The following CUL2 variants were observed in gnomAD, a reference collection of about 807,000 sequenced individuals.
CUL2 encodes cullin 2.
A neutral mutation model predicts 110.2 loss-of-function variants in CUL2; 22 were observed. The observed-to-expected ratio is 0.20, with a 90% CI of 0.14 to 0.28. The LOEUF is 0.28. Among genes scored for constraint, CUL2 ranks in the 10% least tolerant of loss-of-function variants. The probability of loss-of-function intolerance (pLI) is 1.00; values close to 1 mark genes in which losing one functional copy is unlikely to be tolerated. For missense variants in CUL2, 631 were observed against 905.5 expected (o/e 0.70, Z 3.89); for synonymous variants, 279 against 293.2 (o/e 0.95, Z 0.49).
intron 1 of CUL2, among the ~76,000 whole-genome samples, chr10:35,108,131 T>A (rs183334853): frequency 9.6e-4 from 146 of 152,078 alleles, no homozygotes; most frequent in African/African-American, 3.4e-3. Flanking sequence ...GCTGATCAGT[T>A]AAGAGGCTAT....
chr10:35,038,816 T>A, intron 9 of CUL2, 104 bp downstream of exon 9: 1 of 653,730 alleles, frequency 1.5e-6, no homozygotes, highest in East Asian at 2.9e-5. Flanking sequence ...TTTAAAATAT[T>A]TTAAAGACTA....
chr10:35,088,609 CAACTGCCAGACAACGCAA>C (rs894384366), intron 1 of CUL2, among the ~76,000 whole-genome samples: 4 of 151,266 alleles, frequency 2.6e-5, no homozygotes, highest in African/African-American at 9.7e-5. Context: ...AAATATCTGT[CAACTGCCAGACAACGCAA>C]AAATGACTTT....
chr10:35,077,748 C>A (rs182221923), intron 1 of CUL2, among the ~76,000 whole-genome samples: 2 of 148,064 alleles, frequency 1.4e-5, no homozygotes, highest in African/African-American at 5.0e-5. Context: ...ACCCAGGAGG[C>A]GGGGGTTGCG....
chr10:35,021,538 T>C (rs1478444834), intron 17 of CUL2, among the ~76,000 whole-genome samples: 1 of 152,032 alleles, frequency 6.6e-6, no homozygotes, highest in Admixed American at 6.5e-5. Context: ...TTAATGTCAA[T>C]TTTAATGTAT....
intron 8 of CUL2, among the ~76,000 whole-genome samples, chr10:35,042,990 C>G (rs141769428): frequency 6.6e-6 from 1 of 152,098 alleles, no homozygotes; most frequent in African/African-American, 2.4e-5. Flanking sequence ...GGACACCTAG[C>G]TGGTGTCTGC....
rs779663693 is a variant in CUL2 at position 35,010,407 on chromosome 10, A to C, written c.2142T>G (p.Ser714Arg). 1 of 1,612,656 alleles carries C rather than the reference A, an allele frequency of 6.2e-7. No individual in the cohort carries two copies. The highest frequency in any genetic ancestry group is 1.7e-5 in the Admixed American group (1 of 59,770). Residue 714 changes from serine (S) to arginine (R), a missense_variant, in exon 21 of 21, where the codon AGT becomes AGG. Physicochemically the swap from Ser to Arg is moderately radical, Grantham distance 110 (BLOSUM62 -1). Around this residue, in one of 3 missense-constraint regions of CUL2, gnomAD observed 159 missense variants for 202.7 expected, o/e 0.78. Transcript: ENST00000374749. ...ISQSRARFNPSISMIKKCIEV... is the reference protein window; with the variant it reads ...ISQSRARFNPRISMIKKCIEV... ...CAATACACTTCTTAATCATGCTGAT[A>C]CTGGGATTAAACCTAGCTCTTGACT...
At chr10:35,035,077 T>G (rs943092117) in intron 10 of CUL2, 95 bp downstream of exon 10, 32 of 1,449,504 alleles carry the variant, frequency 2.2e-5, no homozygotes, top group East Asian at 4.6e-5. Flanking sequence ...ATGGTAAGAC[T>G]TTTTCTTTCA....
chr10:35,053,351 T>C lies in CUL2; in HGVS notation c.423+1083A>G, dbSNP rs117867267. On this transcript the variant is annotated intron_variant, in intron 5 of 20. Coordinates refer to ENST00000374749, the MANE Select transcript of CUL2 (RefSeq NM_003591.4). ...TGTATTTGTATTCAACATATACCTA[T>C]AATTTTGTGTCCAAATTTTTTCATA... is the stretch of plus-strand genomic sequence containing the variant. 4.9e-4 allele frequency among the ~76,000 whole-genome samples: 74 copies of C among 152,352 alleles called. No homozygotes were observed. The East Asian group carries it at 0.013, about 26-fold the overall frequency.
chr10:35,047,744 C>T (rs894726845), intron 6 of CUL2, among the ~76,000 whole-genome samples: 2 of 151,080 alleles, frequency 1.3e-5, no homozygotes, highest in East Asian at 1.9e-4. Flanking sequence ...TGGTGAAAAC[C>T]GGTCTCTACT....
At chr10:35,080,273 G>A (rs2086913167) in intron 1 of CUL2, among the ~76,000 whole-genome samples, 1 of 151,912 alleles carries the variant, frequency 6.6e-6, no homozygotes. Flanking sequence ...TCATCTTGCT[G>A]TATCAAATGA....
chr10:35,025,026 G>A lies in CUL2; in HGVS notation c.1684+106C>T, dbSNP rs111911338. 2.4e-5 allele frequency: 32 copies of A among 1,333,038 alleles called. No homozygotes were observed. In the African/African-American group the frequency reaches 2.7e-4, roughly 11 times the overall value. 82.6% of individuals were successfully genotyped at this position (1,333,038 alleles called of 1,614,324 possible). A position where few individuals can be genotyped will look rare whatever the true frequency, so the allele number is the denominator to read the frequency against. ...GCTTTAATGGGGAAAGGTTGATGGA[G>A]GAGAAAAGGTTAAAAACTGTAATTG... On this transcript the variant is annotated intron_variant, in intron 17 of 20. Coordinates refer to ENST00000374749, the MANE Select transcript of CUL2 (RefSeq NM_003591.4).
intron 9 of CUL2, among the ~76,000 whole-genome samples, chr10:35,036,311 T>C (rs1307067739): frequency 3.9e-5 from 6 of 152,248 alleles, no homozygotes; most frequent in Non-Finnish European, 4.4e-5. Context: ...TAATATTCCA[T>C]TGTATGAATA....
chr10:35,021,444 C>G (rs560802299), intron 17 of CUL2, among the ~76,000 whole-genome samples: 10 of 149,866 alleles, frequency 6.7e-5, no homozygotes, highest in African/African-American at 2.5e-4. Context: ...TATATATATA[C>G]ACACACACAC....
chr10:35,043,928 C>T lies in CUL2; in HGVS notation c.714+638G>A, dbSNP rs1040995394. Among the ~76,000 whole-genome samples, 4 of 151,132 alleles carry T rather than the reference C, an allele frequency of 2.6e-5. No individual in the cohort carries two copies. In the Admixed American group the frequency reaches 2.6e-4, roughly 10 times the overall value. Reference sequence around the variant, plus strand: ...ATAACAAATTTTAAAAGTTGCTGGGCGTGGTGGTGTGTGCCTGTAGTCCCA... The same window carrying T: ...ATAACAAATTTTAAAAGTTGCTGGGTGTGGTGGTGTGTGCCTGTAGTCCCA... On this transcript the variant is annotated intron_variant, in intron 8 of 20. Transcript: ENST00000374749.
At chr10:35,072,409 C>T (rs900602041) in intron 1 of CUL2, among the ~76,000 whole-genome samples, 2 of 151,152 alleles carry the variant, frequency 1.3e-5, no homozygotes, top group Admixed American at 1.3e-4. Context: ...CACTCTGTTG[C>T]CCAGGCTGGA....
intron 20 of CUL2, among the ~76,000 whole-genome samples, chr10:35,011,640 A>G (rs916432482): frequency 1.3e-5 from 2 of 152,164 alleles, no homozygotes; most frequent in Non-Finnish European, 2.9e-5. Context: ...AAAAAGGATT[A>G]CAGGCATGAG....
chr10:35,111,917 C>T (rs961016753), intron 1 of CUL2, among the ~76,000 whole-genome samples: 4 of 152,184 alleles, frequency 2.6e-5, no homozygotes, highest in African/African-American at 7.2e-5. Context: ...GATTCAATTC[C>T]TACACAGCAC....
At chr10:35,084,258 CGAGT>C (rs2135053772) in intron 1 of CUL2, among the ~76,000 whole-genome samples, 1 of 152,254 alleles carries the variant, frequency 6.6e-6, no homozygotes, top group East Asian at 1.9e-4. Context: ...GCTTGGGTGA[CGAGT>C]GAAACTCTGT....
chr10:35,058,932 G>C (rs12242882), intron 4 of CUL2, among the ~76,000 whole-genome samples: 55,167 of 151,944 alleles, frequency 0.36, 10,080 homozygotes, highest in African/African-American at 0.4. Context: ...TCATGGATGA[G>C]TTAGGGGGTC....
Sources: allele counts gnomAD v4.1 joint callset (sites outside exome capture counted in the v4.1 genomes callset), GRCh38; gene constraint gnomAD v4.1.1; regional missense constraint gnomAD v4.1.1; transcripts MANE v1.5; gene names NCBI Gene and HGNC (gene_info 2026-07-23, HGNC 2026-07-21).